COL11A1: variants seen among roughly 807,000 people sequenced by gnomAD.
COL11A1 encodes the protein collagen alpha-1(XI) chain.
COL11A1 carries 74 observed loss-of-function variants against 265.2 expected under a neutral mutation model. The ratio of observed to expected loss-of-function variants is 0.28; its 90% confidence interval spans 0.23 to 0.34. The LOEUF (loss-of-function observed/expected upper bound fraction) is 0.34. Among genes scored for constraint, COL11A1 ranks in the 10% least tolerant of loss-of-function variants. The probability of loss-of-function intolerance (pLI) is 1.00; values close to 1 mark genes in which losing one functional copy is unlikely to be tolerated. For missense variants in COL11A1, 2,165 were observed against 2,263.6 expected (o/e 0.96, Z 0.88); for synonymous variants, 816 against 727.6 (o/e 1.12, Z -1.96).
intron 28 of COL11A1, among the ~76,000 whole-genome samples, chr1:102,990,187 A>C (rs1663994380): frequency 6.6e-6 from 1 of 151,986 alleles, no homozygotes; most frequent in East Asian, 1.9e-4. Context: ...TTCTCCCCCC[A>C]ACAACAACAA....
At chr1:103,086,247 C>T (rs1672844888) in intron 1 of COL11A1, among the ~76,000 whole-genome samples, 1 of 151,996 alleles carries the variant, frequency 6.6e-6, no homozygotes, top group Non-Finnish European at 1.5e-5. Context: ...AAGCCATTCT[C>T]CAAAGTAGAA....
In COL11A1 at chr1:103,078,743, G is replaced by A. The variant is rs780128263; in HGVS notation, c.403C>T (p.Pro135Ser). The A allele has an allele frequency of 1.2e-6, 2 of 1,613,388 alleles. No homozygotes were observed. The highest frequency in any genetic ancestry group is 8.5e-7 in the Non-Finnish European group (1 of 1,179,618). ...GTGTGGTCTTCAAACAGAAAAACAG[G>A]TGATCTCCCAACCTCAACACCAATT... The part of the protein sequence containing the change: ...QQIGVEVGRS[P>S]VFLFEDHTGK... Residue 135 changes from proline to serine, a missense_variant, in exon 3 of 67, where the codon CCT (proline) becomes TCT (serine). Transcript: ENST00000370096.
In COL11A1 at chr1:102,991,905, A is replaced by G. The variant is rs958912160; in HGVS notation, c.2341-2334T>C. On this transcript the variant is annotated intron_variant, in intron 28 of 66. Coordinates refer to ENST00000370096, the MANE Select transcript of COL11A1 (RefSeq NM_001854.4). Reference sequence around the variant, plus strand: ...CTGCCCAGGATGCTCTCTGTACTGAATGTGATTGGGCAATGGCAGAGGCTT... The same window carrying G: ...CTGCCCAGGATGCTCTCTGTACTGAGTGTGATTGGGCAATGGCAGAGGCTT... 9.3e-5 allele frequency among the ~76,000 whole-genome samples: 14 copies of G among 151,228 alleles called. No individual in the cohort carries two copies. In the East Asian group the frequency reaches 2.3e-3, roughly 25 times the overall value.
Position 103,022,688 on chromosome 1 carries a change from A to T in COL11A1, c.1245+54T>A, listed in dbSNP as rs974423923. ...AAGACATTAAGATGGACATGGACAT[A>T]AAAATATCCCATAAATAAGACATAC... is the stretch of plus-strand genomic sequence containing the variant. On this transcript the variant is annotated intron_variant, in intron 8 of 66. Coordinates refer to ENST00000370096, the MANE Select transcript of COL11A1 (RefSeq NM_001854.4). 26 of 1,606,046 alleles carry T rather than the reference A, an allele frequency of 1.6e-5. No individual in the cohort carries two copies. In the Admixed American group the frequency reaches 3.7e-4, roughly 23 times the overall value.
rs74110534 is a variant in COL11A1 at position 102,968,205 on chromosome 1, T to A, written c.2862+2014A>T. Among the ~76,000 whole-genome samples the A allele has an allele frequency of 6.1e-3, 927 of 152,378 alleles. 19 individuals carry two copies. The highest frequency in any genetic ancestry group is 0.022 in the African/African-American group (900 of 41,584). ...AATTTCAGAGTAGCTAGTCAAATTA[T>A]GTTTTTCAAAGTTGCTGAAAATGGA... is the stretch of plus-strand genomic sequence containing the variant. On this transcript the variant is annotated intron_variant, in intron 37 of 66. Coordinates refer to ENST00000370096, the MANE Select transcript of COL11A1 (RefSeq NM_001854.4).
chr1:103,069,248 G>A (rs61817081), intron 4 of COL11A1, among the ~76,000 whole-genome samples: 20,871 of 151,728 alleles, frequency 0.14, 1,590 homozygotes, highest in Non-Finnish European at 0.16. Context: ...TCAGTAATAG[G>A]TGCACTAATT....
chr1:102,953,280 C>T (rs529936991), intron 41 of COL11A1, among the ~76,000 whole-genome samples: 43 of 151,912 alleles, frequency 2.8e-4, no homozygotes, highest in South Asian at 8.3e-4. Context: ...CAATGATCTC[C>T]AGCAGTTTGA....
intron 54 of COL11A1, among the ~76,000 whole-genome samples, chr1:102,901,315 T>A (rs12116546): frequency 0.061 from 8,374 of 138,344 alleles, 294 homozygotes; most frequent in Non-Finnish European, 0.083. Flanking sequence ...AGCAAAACTC[T>A]GTCTAAAAAA....
chr1:102,911,043 C>G (rs568819181), intron 54 of COL11A1, among the ~76,000 whole-genome samples: 1 of 152,026 alleles, frequency 6.6e-6, no homozygotes, highest in Non-Finnish European at 1.5e-5. Flanking sequence ...CAATGGATAT[C>G]AAAAATCATG....
At chr1:102,912,253 T>C in intron 53 of COL11A1, 41 bp from the exon 54 acceptor site, 4 of 1,519,840 alleles carry the variant, frequency 2.6e-6, no homozygotes, top group Non-Finnish European at 3.6e-6. Context: ...AATTGGATAT[T>C]ATTTTGTGGC....
chr1:103,084,116 T>C (rs1672665159), intron 1 of COL11A1, among the ~76,000 whole-genome samples: 1 of 152,190 alleles, frequency 6.6e-6, no homozygotes, highest in African/African-American at 2.4e-5. Flanking sequence ...AAATTTGCCA[T>C]TTTAGATTTT....
At chr1:103,021,189 T>C (rs1485528092) in intron 9 of COL11A1, among the ~76,000 whole-genome samples, 1 of 151,382 alleles carries the variant, frequency 6.6e-6, no homozygotes, top group East Asian at 1.9e-4. Flanking sequence ...ATAATATTGA[T>C]ATAAATTTTA....
intron 59 of COL11A1, 74 bp downstream of exon 59, chr1:102,889,381 G>T: frequency 1.0e-6 from 1 of 970,784 alleles, no homozygotes; most frequent in Non-Finnish European, 1.6e-6. Context: ...ATACTTAAAG[G>T]ACTGTGTGTG....
intron 11 of COL11A1, 58 bp downstream of exon 11, chr1:103,017,762 A>T: frequency 7.1e-7 from 1 of 1,407,266 alleles, no homozygotes; most frequent in Non-Finnish European, 1.0e-6. Flanking sequence ...AATACATTTT[A>T]ATTATTTAAG....
chr1:102,923,078 G>T (rs1211773016), intron 47 of COL11A1, among the ~76,000 whole-genome samples: 2 of 152,096 alleles, frequency 1.3e-5, no homozygotes, highest in African/African-American at 4.8e-5. Context: ...ATTAAATTAA[G>T]AATTTGTTTC....
At chr1:102,920,158 CT>C (rs1379334167) in intron 49 of COL11A1, among the ~76,000 whole-genome samples, 152 bp downstream of exon 49, 1 of 152,032 alleles carries the variant, frequency 6.6e-6, no homozygotes, top group Non-Finnish European at 1.5e-5. Flanking sequence ...ATCATTTTAA[CT>C]TTAATTTTTG....
intron 35 of COL11A1, among the ~76,000 whole-genome samples, chr1:102,976,997 CAT>C (rs888514970): frequency 7.9e-5 from 12 of 151,828 alleles, no homozygotes; most frequent in Admixed American, 5.9e-4. Context: ...TTTATGTATA[CAT>C]ATATATATGC....
At chr1:102,975,506 G>A (rs1371015111) in intron 35 of COL11A1, among the ~76,000 whole-genome samples, 2 of 151,674 alleles carry the variant, frequency 1.3e-5, no homozygotes, top group Non-Finnish European at 2.9e-5. Context: ...AGTTATTAAC[G>A]TTCAGTCCAA....
intron 30 of COL11A1, 24 bp from the exon 31 acceptor site, chr1:102,984,215 C>T (rs758714356): frequency 2.1e-6 from 3 of 1,445,142 alleles, no homozygotes; most frequent in South Asian, 2.4e-5. Context: ...ATATAATAAT[C>T]AAAGTAATAT....
Sources: gnomAD v4.1 joint callset for allele counts (sites outside exome capture counted in the v4.1 genomes callset) on GRCh38, gnomAD v4.1.1 for gene constraint, MANE v1.5 for transcripts, NCBI Gene and HGNC (gene_info 2026-07-23, HGNC 2026-07-21) for gene names.